The following PRICKLE2 variants were observed in gnomAD, a reference collection of about 807,000 sequenced individuals.
The protein encoded by PRICKLE2 is prickle-like protein 2.
In PRICKLE2, 21 loss-of-function variants were observed where a neutral mutation model predicts 81.4. That is an observed-to-expected ratio of 0.26 (90% confidence interval 0.18 to 0.37). The LOEUF (loss-of-function observed/expected upper bound fraction) is 0.37. Ranked by LOEUF, PRICKLE2 falls within the 10% of genes least tolerant of loss-of-function variation. PRICKLE2 has a pLI of 1.00. For missense variants in PRICKLE2, 940 were observed against 1,109.0 expected (o/e 0.85, Z 2.16); for synonymous variants, 456 against 421.5 (o/e 1.08, Z -1.00).
At chr3:64,156,684 G>A (rs2077640894) in intron 5 of PRICKLE2, among the ~76,000 whole-genome samples, 1 of 151,956 alleles carries the variant, frequency 6.6e-6, no homozygotes, top group Non-Finnish European at 1.5e-5. Context: ...TTTTCACTCA[G>A]AACTTTTATA....
At chr3:64,117,136 G>C (rs1480803860) in intron 7 of PRICKLE2, among the ~76,000 whole-genome samples, 1 of 152,186 alleles carries the variant, frequency 6.6e-6, no homozygotes, top group Non-Finnish European at 1.5e-5. Context: ...AAAGGATTTT[G>C]ATAAAATTCA....
At chr3:64,219,095 A>T (rs534054724) in intron 1 of PRICKLE2, among the ~76,000 whole-genome samples, 33 of 152,266 alleles carry the variant, frequency 2.2e-4, no homozygotes, top group African/African-American at 7.9e-4. Context: ...CACTTCTCAT[A>T]TTCCAGCACA....
At chr3:64,265,974 G>T (rs1409719444) in intron 2 of PRICKLE2, among the ~76,000 whole-genome samples, 3 of 152,226 alleles carry the variant, frequency 2.0e-5, no homozygotes, top group East Asian at 3.9e-4. Flanking sequence ...TTTCTTAAAT[G>T]GAAGTACAAC....
At chr3:64,117,657 T>A (rs1196726696) in intron 7 of PRICKLE2, among the ~76,000 whole-genome samples, 2 of 152,038 alleles carry the variant, frequency 1.3e-5, no homozygotes, top group East Asian at 3.9e-4. Context: ...AGGTGAAAGA[T>A]CTCTACATGG....
chr3:64,216,121 G>A (rs1201420016), intron 1 of PRICKLE2, among the ~76,000 whole-genome samples: 2 of 152,160 alleles, frequency 1.3e-5, no homozygotes, highest in Non-Finnish European at 2.9e-5. Context: ...GCATTTCTCT[G>A]GGCTATCTGC....
intron 1 of PRICKLE2, among the ~76,000 whole-genome samples, chr3:64,215,477 A>G (rs1290796815): frequency 5.3e-5 from 8 of 152,244 alleles, no homozygotes; most frequent in Non-Finnish European, 8.8e-5. Context: ...AAAATCCTTT[A>G]TCTAGAATAA....
At position 64,096,193 on chromosome 3, in the gene PRICKLE2, GA is replaced by G. The variant is rs1302914873; in HGVS notation, c.*2857del. 6.6e-6 allele frequency: 1 copy of G among 152,250 alleles called. No individual in the cohort carries two copies. The highest frequency in any genetic ancestry group is 1.5e-5 in the Non-Finnish European group (1 of 68,060). 9.4% of individuals were successfully genotyped at this position (152,250 alleles called of 1,614,324 possible). A position where few individuals can be genotyped will look rare whatever the true frequency, so the allele number is the denominator to read the frequency against. ...AAATAACAACCAGGGCATTGGAGAA[GA>G]GAGAACGCTGGAAAAAGATTACTAT... On this transcript the variant is annotated 3_prime_UTR_variant, in exon 8 of 8. Transcript: ENST00000638394.
At chr3:64,119,329 A>G (rs149651668) in intron 7 of PRICKLE2, among the ~76,000 whole-genome samples, 148 of 152,342 alleles carry the variant, frequency 9.7e-4, no homozygotes, top group African/African-American at 3.4e-3. Context: ...ACACAAGTTT[A>G]CCTACATAAC....
intron 2 of PRICKLE2, among the ~76,000 whole-genome samples, chr3:64,261,569 G>C (rs757226685): frequency 1.4e-4 from 22 of 152,104 alleles, no homozygotes; most frequent in Non-Finnish European, 2.5e-4. Context: ...ATGGAGCAAG[G>C]CTAGGCAGGA....
chr3:64,196,123 A>G (rs2078448465), intron 2 of PRICKLE2, among the ~76,000 whole-genome samples: 2 of 152,376 alleles, frequency 1.3e-5, no homozygotes. Context: ...CACTTTTGAA[A>G]TCATAAATTT....
chr3:64,139,288 A>G (rs2077324220), intron 7 of PRICKLE2, among the ~76,000 whole-genome samples: 1 of 152,360 alleles, frequency 6.6e-6, no homozygotes, highest in Admixed American at 6.5e-5. Context: ...CCAATAAAAC[A>G]TGCACTTGCA....
At chr3:64,236,915 A>C (rs1403344423) in intron 2 of PRICKLE2, among the ~76,000 whole-genome samples, 2 of 152,358 alleles carry the variant, frequency 1.3e-5, no homozygotes, top group East Asian at 3.9e-4. Context: ...AAGAGTAATC[A>C]TAGATCTTCC....
intron 7 of PRICKLE2, among the ~76,000 whole-genome samples, chr3:64,127,072 G>A (rs188669405): frequency 1.3e-5 from 2 of 152,306 alleles, no homozygotes; most frequent in African/African-American, 4.8e-5. Context: ...CCCTTAAGGA[G>A]CACTCATTCC....
intron 1 of PRICKLE2, among the ~76,000 whole-genome samples, chr3:64,204,735 C>T (rs982327699): frequency 2.0e-5 from 3 of 152,156 alleles, no homozygotes; most frequent in Admixed American, 2.0e-4. Context: ...TTATAATTAA[C>T]TGGCACTCCC....
In PRICKLE2 at chr3:64,205,101, T is replaced by TAAAAA. The variant is rs3056514; in HGVS notation, c.-40-6139_-40-6135dup. ...ACCTGCTAGCAAAGCAGGATTTCGT[T>TAAAAA]AAAAAAAAAAAAAAACATACAAAGG... is the stretch of plus-strand genomic sequence containing the variant. On this transcript the variant is annotated intron_variant, in intron 1 of 7. Transcript: ENST00000638394. Among the ~76,000 whole-genome samples the TAAAAA allele has an allele frequency of 2.3e-3, 323 of 142,790 alleles. 1 individual carries two copies. The highest frequency in any genetic ancestry group is 7.2e-3 in the Middle Eastern group (2 of 276). The allele number at this position is 142,790 out of a possible 152,430, so 93.7% of individuals were successfully genotyped here.
At chr3:64,116,966 G>A (rs767785983) in intron 7 of PRICKLE2, among the ~76,000 whole-genome samples, 18 of 152,078 alleles carry the variant, frequency 1.2e-4, no homozygotes, top group Non-Finnish European at 2.4e-4. Context: ...CTGGCAACCC[G>A]AATCCAGCAG....
At chr3:64,169,292 C>T (rs896940421) in intron 2 of PRICKLE2, among the ~76,000 whole-genome samples, 3 of 152,112 alleles carry the variant, frequency 2.0e-5, no homozygotes, top group African/African-American at 7.2e-5. Flanking sequence ...AAGCTGTAAC[C>T]TGAGGATAGT....
At chr3:64,116,572 A>G (rs992283515) in intron 7 of PRICKLE2, among the ~76,000 whole-genome samples, 8 of 152,222 alleles carry the variant, frequency 5.3e-5, no homozygotes, top group Non-Finnish European at 1.2e-4. Flanking sequence ...GAACACCTCT[A>G]TGTACATAAA....
chr3:64,153,496 A>G (rs1487239886), intron 5 of PRICKLE2, 128 bp from the exon 6 acceptor site: 4 of 814,724 alleles, frequency 4.9e-6, no homozygotes, highest in Non-Finnish European at 8.1e-6. Context: ...TAATTAAACA[A>G]AAATCCATAT....
Sources: allele counts gnomAD v4.1 joint callset (sites outside exome capture counted in the v4.1 genomes callset), GRCh38; gene constraint gnomAD v4.1.1; transcripts MANE v1.5; gene names NCBI Gene and HGNC (gene_info 2026-07-23, HGNC 2026-07-21).